Variants in CAVIN4 observed in about 807,000 individuals in gnomAD.
The protein encoded by CAVIN4 is caveolae associated protein 4.
In CAVIN4, 10 loss-of-function variants were observed where a neutral mutation model predicts 18.6. The observed-to-expected ratio is 0.54, with a 90% CI of 0.33 to 0.91. CAVIN4 has a LOEUF of 0.91. Among genes scored for constraint, CAVIN4 ranks in the 40% least tolerant of loss-of-function variants. The pLI, the probability that CAVIN4 is intolerant of heterozygous loss-of-function variation, is 0.02. For synonymous variants in CAVIN4, 173 were observed against 164.8 expected, an observed-to-expected ratio of 1.05 and a Z score of -0.38; for missense variants, 459 against 440.5, an observed-to-expected ratio of 1.04 and a Z score of -0.38.
In CAVIN4 at chr9:100,578,579, T is replaced by C. The variant is rs113689675; in HGVS notation, c.408+28T>C. On this transcript the variant is annotated intron_variant, in intron 1 of 1. Transcript: ENST00000307584. ...AAGCTTGCACTTGTGTTCAGCTTGC[T>C]TGTTCTAATCTCTTGCATCTTTTAA... 1.0e-3 allele frequency: 1,636 copies of C among 1,611,030 alleles called. 11 individuals carry two copies. In the African/African-American group the frequency reaches 0.016, roughly 16 times the overall value.
In CAVIN4 at chr9:100,587,261, T is replaced by C. The variant is rs1159979774; in HGVS notation, c.*810T>C. On this transcript the variant is annotated 3_prime_UTR_variant, in exon 2 of 2. Coordinates refer to ENST00000307584, the MANE Select transcript of CAVIN4 (RefSeq NM_001018116.2). ...CCACTTTTTCATCAGACTAACTATA[T>C]CTTGGGTTTTAGTTGGGTCTCAAAA... 7.2e-5 allele frequency: 11 copies of C among 152,210 alleles called. No individual in the cohort carries two copies. The highest frequency in any genetic ancestry group is 2.7e-4 in the African/African-American group (11 of 41,454). 9.4% of individuals were successfully genotyped at this position (152,210 alleles called of 1,614,324 possible).
upstream of CAVIN4, among the ~76,000 whole-genome samples, chr9:100,577,794 C>G (rs1379160043): frequency 6.6e-6 from 1 of 152,088 alleles, no homozygotes; most frequent in African/African-American, 2.4e-5. Flanking sequence ...AAAGCTTTAC[C>G]CAACATTTGG....
rs756842424 is a variant in CAVIN4, at chr9:100,585,954, A to G, written c.598A>G (p.Lys200Glu). 17 of 1,614,186 alleles carry G rather than the reference A, an allele frequency of 1.1e-5. No individual in the cohort carries two copies. Among genetic ancestry groups the G allele is most frequent in the African/African-American group, 4.0e-5 (3 of 75,044 alleles). Residue 200 changes from lysine to glutamate, a missense_variant, in exon 2 of 2, where the codon AAG becomes GAG. Lys to Glu is a moderately conservative substitution (Grantham distance 56). Transcript: ENST00000307584. Reference protein sequence around the residue: ...SGKEHIDNIKKAFSKENMQKT... With the variant: ...SGKEHIDNIKEAFSKENMQKT... ...CAAGGAGCACATTGATAATATCAAG[A>G]AGGCATTTTCCAAAGAAAACATGCA...
At chr9:100,585,114 A>G (rs1032176202) in intron 1 of CAVIN4, among the ~76,000 whole-genome samples, 12 of 152,182 alleles carry the variant, frequency 7.9e-5, no homozygotes, top group African/African-American at 2.9e-4. Context: ...TACTTAGTTG[A>G]TGTTCTGGAG....
rs191289133 is a variant in CAVIN4 at position 100,578,424 on chromosome 9, G to A, written c.281G>A (p.Arg94Gln). 21 of 1,614,126 alleles carry A rather than the reference G, an allele frequency of 1.3e-5. No individual in the cohort carries two copies. The highest frequency in any genetic ancestry group is 1.7e-4 in the Middle Eastern group (1 of 6,058). ...ATTAACAAATTGTTTGAGAAAACCC[G>A]AAAAGTTAGTGCTCACATTAAAGAT... ...HIINKLFEKT[R>Q]KVSAHIKDVK... Residue 94 changes from arginine (R) to glutamine (Q), a missense_variant, in exon 1 of 2, where the codon CGA (arginine) becomes CAA (glutamine). By Grantham distance (43) the Arg-to-Gln change is conservative. Coordinates refer to ENST00000307584, the MANE Select transcript of CAVIN4 (RefSeq NM_001018116.2).
chr9:100,580,142 G>A (rs1287552897), intron 1 of CAVIN4, among the ~76,000 whole-genome samples: 3 of 150,978 alleles, frequency 2.0e-5, no homozygotes, highest in African/African-American at 7.3e-5. Context: ...TACAAAAATA[G>A]AAAAGTTAAC....
chr9:100,581,422 CT>C (rs2118605409), intron 1 of CAVIN4: 1 of 152,318 alleles, frequency 6.6e-6, no homozygotes, highest in African/African-American at 2.4e-5. Context: ...CCACAGTACT[CT>C]GAAGCACAGT....
In CAVIN4 at chr9:100,587,078, C is replaced by T. The variant is rs974605620; in HGVS notation, c.*627C>T. On this transcript the variant is annotated 3_prime_UTR_variant, in exon 2 of 2. Transcript: ENST00000307584. ...AAGAAGCACACCCAGAGAAAACAAG[C>T]CTCATCAGTTCCTCCAAAACAGAAT... 1 of 152,288 alleles carries T rather than the reference C, an allele frequency of 6.6e-6. No individual in the cohort carries two copies. The highest frequency in any genetic ancestry group is 2.4e-5 in the African/African-American group (1 of 41,406). 9.4% of individuals were successfully genotyped at this position (152,288 alleles called of 1,614,324 possible).
At position 100,578,438 on chromosome 9, in the gene CAVIN4, C is replaced by T. The variant is rs757561976; in HGVS notation, c.295C>T (p.His99Tyr). The change falls in exon 1 of 2, where the codon CAC becomes TAC. Residue 99 changes from histidine to tyrosine, a missense_variant. His to Tyr is a moderately conservative substitution (Grantham distance 83). Coordinates refer to ENST00000307584, the MANE Select transcript of CAVIN4 (RefSeq NM_001018116.2). ...TGAGAAAACCCGAAAAGTTAGTGCT[C>T]ACATTAAAGATGTGAAAGCCCGGGT... ...LFEKTRKVSA[H>Y]IKDVKARVEK... is the part of the protein sequence containing the mutation. The T allele has an allele frequency of 1.9e-6, 3 of 1,614,028 alleles. No homozygotes were observed. Among genetic ancestry groups the T allele is most frequent in the South Asian group, 2.2e-5 (2 of 91,072 alleles).
Position 100,578,374 on chromosome 9 carries a change from G to A in CAVIN4, c.231G>A (p.Gln77=). The part of the protein sequence containing the change: ...SVQIDLLKLS[Q]SHSNTGHIIN... Reference sequence around the variant, plus strand: ...AGATTGACCTGTTGAAGCTTTCACAGTCGCATAGCAATACAGGGCATATCA... The same window carrying A: ...AGATTGACCTGTTGAAGCTTTCACAATCGCATAGCAATACAGGGCATATCA... The change falls in exon 1 of 2, where the codon CAG becomes CAA. Residue 77 remains glutamine (Q), a synonymous_variant. Coordinates refer to ENST00000307584, the MANE Select transcript of CAVIN4 (RefSeq NM_001018116.2). 6.2e-7 allele frequency: 1 copy of A among 1,614,122 alleles called. No homozygotes were observed. The highest frequency in any genetic ancestry group is 8.5e-7 in the Non-Finnish European group (1 of 1,179,994).
At chr9:100,582,194 T>A (rs182294742) in intron 1 of CAVIN4, among the ~76,000 whole-genome samples, 38 of 152,340 alleles carry the variant, frequency 2.5e-4, no homozygotes, top group Middle Eastern at 3.4e-3. Context: ...TTTGTCTGTT[T>A]AGTTTGAGAA....
Position 100,578,474 on chromosome 9 carries a change from C to G in CAVIN4, c.331C>G (p.Gln111Glu), listed in dbSNP as rs761254712. The G allele has an allele frequency of 3.7e-6, 6 of 1,613,896 alleles. No homozygotes were observed. The highest frequency in any genetic ancestry group is 3.3e-5 in the Admixed American group (2 of 59,996). Residue 111 changes from glutamine to glutamate, a missense_variant, in exon 1 of 2, where the codon CAA becomes GAA. By Grantham distance (29) the Gln-to-Glu change is conservative. Transcript: ENST00000307584. The stretch of plus-strand genomic sequence containing the variant: ...TGTGAAAGCCCGGGTGGAGAAGCAA[C>G]AAATTCATGTTAAAAAAGTTGAAGT... ...KDVKARVEKQ[Q>E]IHVKKVEVKQ...
chr9:100,578,665 C>A, intron 1 of CAVIN4, 114 bp downstream of exon 1: 1 of 992,574 alleles, frequency 1.0e-6, no homozygotes, highest in Non-Finnish European at 1.6e-6. Flanking sequence ...TATATTAATA[C>A]AATGGAGTTC....
At position 100,586,340 on chromosome 9, in the gene CAVIN4, C is replaced by T. The variant is rs1316039621; in HGVS notation, c.984C>T (p.Pro328=). 1 of 1,613,860 alleles carries T rather than the reference C, an allele frequency of 6.2e-7. No homozygotes were observed. The highest frequency in any genetic ancestry group is 1.3e-5 in the African/African-American group (1 of 74,868). Residue 328 remains proline (P), a synonymous_variant, in exon 2 of 2, where the codon CCC becomes CCT. Transcript: ENST00000307584. The part of the protein sequence containing the change: ...EHEAARPVYP[P]HEGREIPTPE... ...AGGCAGCCAGGCCGGTGTATCCTCC[C>T]CATGAAGGAAGGGAAATCCCCACCC...
intron 1 of CAVIN4, among the ~76,000 whole-genome samples, chr9:100,579,885 TG>T (rs1839409771): frequency 6.6e-6 from 1 of 152,196 alleles, no homozygotes; most frequent in African/African-American, 2.4e-5. Context: ...AGCCCTCTGT[TG>T]ACTGATAAGG....
rs1839482668 is a variant in CAVIN4, at chr9:100,586,515, A to G, written c.*64A>G. ...CATGCAGTTTTAGTTTGAATAGTGT[A>G]GTCGTCTACATTTCTGTGCCATGTA... On this transcript the variant is annotated 3_prime_UTR_variant, in exon 2 of 2. Transcript: ENST00000307584. 6.9e-6 allele frequency: 9 copies of G among 1,310,580 alleles called. No homozygotes were observed. Among genetic ancestry groups the G allele is most frequent in the Admixed American group, 1.7e-5 (1 of 57,220 alleles). The allele number at this position is 1,310,580 out of a possible 1,614,324, so 81.2% of individuals were successfully genotyped here. A position where few individuals can be genotyped will look rare whatever the true frequency, so the allele number is the denominator to read the frequency against.
chr9:100,584,038 A>G (rs1158955828), intron 1 of CAVIN4, among the ~76,000 whole-genome samples: 2 of 151,778 alleles, frequency 1.3e-5, no homozygotes, highest in Non-Finnish European at 2.9e-5. Flanking sequence ...TATCTCTCTT[A>G]CCCTCTTGCC....
At chr9:100,579,548 T>C (rs992813715) in intron 1 of CAVIN4, among the ~76,000 whole-genome samples, 35 of 152,234 alleles carry the variant, frequency 2.3e-4, no homozygotes, top group Non-Finnish European at 1.0e-4. Context: ...GATAAAACAT[T>C]TTTGAAAGGC....
Position 100,586,447 on chromosome 9 carries a change from C to T in CAVIN4, c.1091C>T (p.Ser364Leu), listed in dbSNP as rs752878354. The T allele has an allele frequency of 1.6e-5, 26 of 1,611,454 alleles. No individual in the cohort carries two copies. Among genetic ancestry groups the T allele is most frequent in the Middle Eastern group, 1.6e-4 (1 of 6,082 alleles). ...CTTTTGTTAGATTTAAAGCACTCAT[C>T]GTAAAGAGGAATTAAGTATATCCTA... ...ESLLLDLKHS[S>L] Residue 364 changes from serine (S) to leucine (L), a missense_variant, in exon 2 of 2, where the codon TCG (serine) becomes TTG (leucine). Ser to Leu is a moderately radical substitution (Grantham distance 145). Transcript: ENST00000307584.
Sources: gnomAD v4.1 joint callset for allele counts (sites outside exome capture counted in the v4.1 genomes callset) on GRCh38, gnomAD v4.1.1 for gene constraint, MANE v1.5 for transcripts, NCBI Gene and HGNC (gene_info 2026-07-23, HGNC 2026-07-21) for gene names.